Variants in GLIS1 observed in about 807,000 individuals in gnomAD.
GLIS1 encodes GLIS family zinc finger 1.
A neutral mutation model predicts 63.8 loss-of-function variants in GLIS1; 24 were observed. The observed-to-expected ratio is 0.38, with a 90% CI of 0.27 to 0.53. GLIS1 has a LOEUF of 0.53. Among genes scored for constraint, GLIS1 ranks in the 20% least tolerant of loss-of-function variants. GLIS1 has a pLI of 0.85. For missense variants in GLIS1, 1,036 were observed against 1,074.1 expected (o/e 0.96, Z 0.50); for synonymous variants, 450 against 482.5 (o/e 0.93, Z 0.88).
chr1:53,622,427 C>CAAAAAAAAAA (rs60923620), intron 2 of GLIS1, among the ~76,000 whole-genome samples: 6 of 132,340 alleles, frequency 4.5e-5, no homozygotes, highest in Admixed American at 7.4e-5. Context: ...GACTATGTCT[C>CAAAAAAAAAA]AAAAAAAAAA....
chr1:53,534,715 C>T (rs982509423), intron 4 of GLIS1, among the ~76,000 whole-genome samples: 2 of 151,416 alleles, frequency 1.3e-5, no homozygotes, highest in African/African-American at 4.9e-5. Flanking sequence ...CACTCACGCA[C>T]TTCTGCGAGT....
At chr1:53,665,014 A>G (rs1224932381) in intron 2 of GLIS1, among the ~76,000 whole-genome samples, 2 of 152,162 alleles carry the variant, frequency 1.3e-5, no homozygotes, top group East Asian at 3.9e-4. Context: ...CACTGCTGCC[A>G]TTGTAAGTAA....
chr1:53,531,825 A>G lies in GLIS1; in HGVS notation c.1321-1873T>C, dbSNP rs559557325. On this transcript the variant is annotated intron_variant, in intron 4 of 10. Coordinates refer to ENST00000628545, the MANE Select transcript of GLIS1 (RefSeq NM_001367484.1). Reference sequence around the variant, plus strand: ...CAGACATGTAGCAGTGTGGAGACACAGGCAGGCAATTCCCCCAACACTGAT... The same window carrying G: ...CAGACATGTAGCAGTGTGGAGACACGGGCAGGCAATTCCCCCAACACTGAT... Among the ~76,000 whole-genome samples the G allele has an allele frequency of 2.0e-5, 3 of 152,302 alleles. No homozygotes were observed. In the East Asian group the frequency reaches 5.8e-4, roughly 29 times the overall value.
At chr1:53,524,984 G>A (rs1256636777) in intron 5 of GLIS1, 97 bp from the exon 6 acceptor site, 2 of 893,882 alleles carry the variant, frequency 2.2e-6, no homozygotes, top group African/African-American at 1.6e-5. Context: ...CAGGCGAGAG[G>A]CTGGCTGCAG....
intron 4 of GLIS1, among the ~76,000 whole-genome samples, chr1:53,533,205 C>T (rs1373448934): frequency 1.3e-5 from 2 of 152,246 alleles, no homozygotes; most frequent in South Asian, 2.1e-4. Flanking sequence ...CCCACCCCAT[C>T]CTCTGTGACA....
intron 2 of GLIS1, among the ~76,000 whole-genome samples, chr1:53,737,532 T>C (rs1296306312): frequency 6.6e-6 from 1 of 152,258 alleles, no homozygotes; most frequent in Non-Finnish European, 1.5e-5. Context: ...GACAAGTTTC[T>C]ATGCAAGCTT....
intron 2 of GLIS1, among the ~76,000 whole-genome samples, chr1:53,637,282 A>G (rs1304565151): frequency 6.6e-6 from 1 of 152,218 alleles, no homozygotes; most frequent in Non-Finnish European, 1.5e-5. Flanking sequence ...CCCAGGAGGA[A>G]GGAGCCTCTA....
intron 2 of GLIS1, among the ~76,000 whole-genome samples, chr1:53,674,511 G>A (rs947898923): frequency 2.0e-5 from 3 of 152,172 alleles, no homozygotes; most frequent in Admixed American, 6.5e-5. Context: ...AAATGGGGAC[G>A]GGAATACATG....
intron 2 of GLIS1, among the ~76,000 whole-genome samples, chr1:53,641,136 G>A (rs1645783027): frequency 6.6e-6 from 1 of 152,144 alleles, no homozygotes; most frequent in Non-Finnish European, 1.5e-5. Context: ...CACGGGGCAG[G>A]GTCTGCGGTG....
chr1:53,600,320 G>C, intron 2 of GLIS1, 42 bp from the exon 3 acceptor site: 1 of 1,214,088 alleles, frequency 8.2e-7, no homozygotes, highest in Middle Eastern at 3.2e-4. Context: ...CAGTGAGTGG[G>C]AACAGCCTGC....
chr1:53,633,407 GGTGT>G (rs1042629072), intron 2 of GLIS1, among the ~76,000 whole-genome samples: 12 of 150,490 alleles, frequency 8.0e-5, no homozygotes, highest in East Asian at 2.0e-4. Flanking sequence ...GTGACTGAGG[GGTGT>G]GTGTATGAGT....
At chr1:53,712,102 A>G (rs528206749) in intron 2 of GLIS1, among the ~76,000 whole-genome samples, 1 of 152,284 alleles carries the variant, frequency 6.6e-6, no homozygotes, top group Admixed American at 6.5e-5. Context: ...ATTTGAGTCC[A>G]GTTTTCATTC....
intron 4 of GLIS1, among the ~76,000 whole-genome samples, chr1:53,568,112 GC>G (rs1219735864): frequency 9.2e-5 from 14 of 152,320 alleles, no homozygotes; most frequent in Non-Finnish European, 1.5e-5. Context: ...AGCCGCGGGG[GC>G]TGTACTCTGC....
intron 2 of GLIS1, among the ~76,000 whole-genome samples, chr1:53,657,335 T>G (rs1031055336): frequency 1.3e-5 from 2 of 152,130 alleles, no homozygotes; most frequent in Non-Finnish European, 2.9e-5. Context: ...ACCACCCAAG[T>G]CTTCAGAGGA....
Position 53,568,488 on chromosome 1 carries a change from C to A in GLIS1, c.1320+25620G>T, listed in dbSNP as rs144764353. Among the ~76,000 whole-genome samples, 826 of 152,106 alleles carry A rather than the reference C, an allele frequency of 5.4e-3. 13 individuals are homozygous for A. Among genetic ancestry groups the A allele is most frequent in the African/African-American group, 0.019 (799 of 41,446 alleles). ...AGACTTTGGGGGACTATTGGGAAGG[C>A]GTGATTGGTTTTTAAATGTGAGAAG... On this transcript the variant is annotated intron_variant, in intron 4 of 10. Coordinates refer to ENST00000628545, the MANE Select transcript of GLIS1 (RefSeq NM_001367484.1).
Position 53,609,266 on chromosome 1 carries a change from CTTTTTTTTT to C in GLIS1, c.260-8997_260-8989del, listed in dbSNP as rs1221426769. ...TATATTTGGGTATTTGGGTTTAAAT[CTTTTTTTTT>C]TTTTTTTTTTTTTTTTGAGATGCAG... On this transcript the variant is annotated intron_variant, in intron 2 of 10. Transcript: ENST00000628545. Among the ~76,000 whole-genome samples the C allele has an allele frequency of 1.4e-4, 11 of 81,410 alleles. No homozygotes were observed. In the East Asian group the frequency reaches 4.7e-3, roughly 35 times the overall value. The allele number at this position is 81,410 out of a possible 152,430, so 53.4% of individuals were successfully genotyped here. A position where few individuals can be genotyped will look rare whatever the true frequency, so the allele number is the denominator to read the frequency against.
rs186560739 is a variant in GLIS1 at position 53,652,673 on chromosome 1, G to T, written c.260-52395C>A. Among the ~76,000 whole-genome samples, 116 of 152,232 alleles carry T rather than the reference G, an allele frequency of 7.6e-4. 1 individual carries two copies. Among genetic ancestry groups the T allele is most frequent in the Non-Finnish European group, 1.5e-3 (102 of 68,010 alleles). On this transcript the variant is annotated intron_variant, in intron 2 of 10. Transcript: ENST00000628545. The stretch of plus-strand genomic sequence containing the variant: ...GTTGATAAACGAATGAGTCCTCAAT[G>T]ATCTCTTCCATGTGTTTCCCGAGGC...
At chr1:53,517,357 C>G (rs1644363069) in intron 7 of GLIS1, among the ~76,000 whole-genome samples, 1 of 152,222 alleles carries the variant, frequency 6.6e-6, no homozygotes. Context: ...TGTCCAGCCA[C>G]TGCCTACCTC....
At chr1:53,536,534 A>T (rs1644583400) in intron 4 of GLIS1, among the ~76,000 whole-genome samples, 1 of 152,004 alleles carries the variant, frequency 6.6e-6, no homozygotes, top group Non-Finnish European at 1.5e-5. Context: ...TTCCCAGCCC[A>T]CTCTGCAGAA....
Sources: allele counts gnomAD v4.1 joint callset (sites outside exome capture counted in the v4.1 genomes callset), GRCh38; gene constraint gnomAD v4.1.1; transcripts MANE v1.5; gene names NCBI Gene and HGNC (gene_info 2026-07-23, HGNC 2026-07-21).